Variants in CDYL observed in about 807,000 individuals in gnomAD.
The protein encoded by CDYL is chromodomain Y like, also known as chromodomain Y-like protein.
A neutral mutation model predicts 47.3 loss-of-function variants in CDYL; 8 were observed. The ratio of observed to expected loss-of-function variants is 0.17; its 90% confidence interval spans 0.10 to 0.31. CDYL has a LOEUF of 0.31. CDYL is among the 10% of genes least tolerant of loss of function. The pLI, the probability that CDYL is intolerant of heterozygous loss-of-function variation, is 1.00. For missense variants in CDYL, 471 were observed against 701.4 expected (o/e 0.67, Z 3.71); for synonymous variants, 266 against 265.0 (o/e 1.00, Z -0.04).
At chr6:4,755,039 G>GTT (rs145834758) in intron 3 of CDYL, among the ~76,000 whole-genome samples, 40 of 128,160 alleles carry the variant, frequency 3.1e-4, no homozygotes, top group African/African-American at 1.1e-3. Context: ...TGTTGTTGTT[G>GTT]TTGTTTTTTG....
chr6:4,893,719 G>A (rs1025224258), intron 2 of CDYL, among the ~76,000 whole-genome samples: 3 of 151,212 alleles, frequency 2.0e-5, no homozygotes, highest in East Asian at 1.9e-4. Flanking sequence ...AAGAGACTCC[G>A]TCTCTTTACC....
intron 1 of CDYL, among the ~76,000 whole-genome samples, chr6:4,777,285 G>T (rs1424426580): frequency 6.6e-6 from 1 of 152,184 alleles, no homozygotes; most frequent in Non-Finnish European, 1.5e-5. Flanking sequence ...TCGCCAAAGC[G>T]ATGCAAAATC....
intron 2 of CDYL, among the ~76,000 whole-genome samples, chr6:4,896,443 G>A (rs1762285956): frequency 6.6e-6 from 1 of 152,180 alleles, no homozygotes; most frequent in Non-Finnish European, 1.5e-5. Flanking sequence ...CTTGTGGATG[G>A]AGTGATTCCA....
chr6:4,808,575 G>C (rs1022969957), intron 1 of CDYL, among the ~76,000 whole-genome samples: 1 of 152,134 alleles, frequency 6.6e-6, no homozygotes, highest in East Asian at 1.9e-4. Flanking sequence ...AATCTGGCCC[G>C]CTTGATGTTT....
chr6:4,845,889 G>A (rs908444049), intron 1 of CDYL, among the ~76,000 whole-genome samples: 1 of 152,126 alleles, frequency 6.6e-6, no homozygotes, highest in Non-Finnish European at 1.5e-5. Flanking sequence ...TGTTCCACGA[G>A]TTGAATGAAA....
At chr6:4,817,365 A>C (rs906604557) in intron 1 of CDYL, among the ~76,000 whole-genome samples, 2 of 151,854 alleles carry the variant, frequency 1.3e-5, no homozygotes, top group African/African-American at 2.4e-5. Flanking sequence ...TAAAAAAAAA[A>C]AAAACTGTGA....
intron 2 of CDYL, among the ~76,000 whole-genome samples, chr6:4,892,611 G>A (rs1411132311): frequency 6.6e-6 from 1 of 151,354 alleles, no homozygotes; most frequent in Non-Finnish European, 1.5e-5. Context: ...CTACCACACT[G>A]ACTTGCTTTA....
intron 3 of CDYL, among the ~76,000 whole-genome samples, chr6:4,765,740 T>G (rs1329753131): frequency 6.6e-6 from 1 of 152,106 alleles, no homozygotes; most frequent in Non-Finnish European, 1.5e-5. Flanking sequence ...ATTTTTGTAT[T>G]TTTAGCACAG....
Position 4,725,297 on chromosome 6 carries a change from G to T in CDYL, c.103+9416G>T, listed in dbSNP as rs554845415. Among the ~76,000 whole-genome samples the T allele has an allele frequency of 3.2e-4, 49 of 152,390 alleles. No homozygotes were observed. In the South Asian group the frequency reaches 9.7e-3, roughly 30 times the overall value. On this transcript the variant is annotated intron_variant, in intron 2 of 8. Transcript: ENST00000328908. ...GGATCCCGCACCGAGGGTGCAGGTG[G>T]AGCTGCCTGCCAGTCCTGCGCCTGT...
rs189253456 is a variant in CDYL at position 4,754,164 on chromosome 6, C to T, written c.186+19320C>T. 1.6e-3 allele frequency among the ~76,000 whole-genome samples: 251 copies of T among 152,274 alleles called. 3 individuals are homozygous for T. The highest frequency in any genetic ancestry group is 5.8e-3 in the African/African-American group (243 of 41,558). Reference sequence around the variant, plus strand: ...AAGAAAAAAAAATCAATTTTGATTACTTCATAAATTTCAGTTGAATTGAGT... The same window carrying T: ...AAGAAAAAAAAATCAATTTTGATTATTTCATAAATTTCAGTTGAATTGAGT... On this transcript the variant is annotated intron_variant, in intron 3 of 8. Transcript: ENST00000328908.
intron 2 of CDYL, among the ~76,000 whole-genome samples, chr6:4,894,902 C>A (rs573561595): frequency 7.2e-6 from 1 of 138,612 alleles, no homozygotes; most frequent in South Asian, 2.2e-4. Flanking sequence ...TATATACACA[C>A]GTACGTGTGT....
chr6:4,710,051 T>C (rs1757120923), intron 1 of CDYL, among the ~76,000 whole-genome samples: 1 of 152,004 alleles, frequency 6.6e-6, no homozygotes, highest in Admixed American at 6.6e-5. Flanking sequence ...TGAAACCCTG[T>C]CTCTGCTAAA....
rs373019848 is a variant in CDYL at position 4,757,111 on chromosome 6, T to C, written c.186+22267T>C. On this transcript the variant is annotated intron_variant, in intron 3 of 8. Coordinates refer to the CDYL transcript ENST00000328908. ...TACAGAATATAAACTCCAACTATTT[T>C]TTAAAAGTTTGTTGGATATTTCTGT... Among the ~76,000 whole-genome samples the C allele has an allele frequency of 2.6e-5, 4 of 152,328 alleles. No homozygotes were observed. In the South Asian group the frequency reaches 8.3e-4, roughly 32 times the overall value.
chr6:4,777,430 G>A (rs1758499989), intron 1 of CDYL, among the ~76,000 whole-genome samples: 1 of 152,174 alleles, frequency 6.6e-6, no homozygotes, highest in African/African-American at 2.4e-5. Context: ...GAAGGGCATA[G>A]CCAGAACTGT....
At chr6:4,787,505 T>C (rs1437282750) in intron 1 of CDYL, among the ~76,000 whole-genome samples, 1 of 152,142 alleles carries the variant, frequency 6.6e-6, no homozygotes, top group African/African-American at 2.4e-5. Context: ...AGTGACTGTA[T>C]AGAGTATGTT....
At chr6:4,793,131 A>G (rs981916665) in intron 1 of CDYL, among the ~76,000 whole-genome samples, 2 of 150,616 alleles carry the variant, frequency 1.3e-5, no homozygotes, top group African/African-American at 2.4e-5. Flanking sequence ...TTCTCTCCTC[A>G]TGGTGGTGTG....
At chr6:4,909,570 T>A (rs1015053644) in intron 2 of CDYL, among the ~76,000 whole-genome samples, 1 of 150,974 alleles carries the variant, frequency 6.6e-6, no homozygotes, top group African/African-American at 2.5e-5. Context: ...AAATTCATAC[T>A]TTTTTTTGTT....
chr6:4,709,529 T>C (rs1757111444), intron 1 of CDYL, among the ~76,000 whole-genome samples: 1 of 152,128 alleles, frequency 6.6e-6, no homozygotes, highest in Admixed American at 6.6e-5. Flanking sequence ...CTCTTACACC[T>C]AGTGATGACT....
At chr6:4,779,785 C>A (rs888623986) in intron 1 of CDYL, among the ~76,000 whole-genome samples, 1 of 152,142 alleles carries the variant, frequency 6.6e-6, no homozygotes, top group Non-Finnish European at 1.5e-5. Context: ...ATATTTTAGA[C>A]TTGTGGGTTA....
Sources: allele counts gnomAD v4.1 joint callset (sites outside exome capture counted in the v4.1 genomes callset), GRCh38; gene constraint gnomAD v4.1.1; transcripts MANE v1.5; gene names NCBI Gene and HGNC (gene_info 2026-07-23, HGNC 2026-07-21).